Variants in PLCB1 observed in about 807,000 individuals in gnomAD.
PLCB1 encodes the protein 1-phosphatidylinositol 4,5-bisphosphate phosphodiesterase beta-1.
In PLCB1, 46 loss-of-function variants were observed where a neutral mutation model predicts 161.8. The ratio of observed to expected loss-of-function variants is 0.28; its 90% confidence interval spans 0.22 to 0.36. The LOEUF is 0.36. Among genes scored for constraint, PLCB1 ranks in the 10% least tolerant of loss-of-function variants. The probability of loss-of-function intolerance (pLI) is 1.00; values close to 1 mark genes in which losing one functional copy is unlikely to be tolerated. For missense variants in PLCB1, 1,016 were observed against 1,472.5 expected (o/e 0.69, Z 5.07); for synonymous variants, 517 against 503.7 (o/e 1.03, Z -0.35).
At chr20:8,274,097 T>C (rs796951464) in intron 2 of PLCB1, among the ~76,000 whole-genome samples, 30 of 152,308 alleles carry the variant, frequency 2.0e-4, no homozygotes, top group African/African-American at 7.2e-4. Context: ...TTTTAAATCA[T>C]GAATAACCAC....
Position 8,873,119 on chromosome 20 carries a change from A to C in PLCB1, c.3424-8503A>C, listed in dbSNP as rs73600213. ...ATTCTAAGGAAACTTAGTGGAAAACAAATAAACAAACAAAAACTGAAATGG... is the reference window on the plus strand; with the variant it reads ...ATTCTAAGGAAACTTAGTGGAAAACCAATAAACAAACAAAAACTGAAATGG... On this transcript the variant is annotated intron_variant, in intron 31 of 31. Coordinates refer to ENST00000338037, the MANE Select transcript of PLCB1 (RefSeq NM_015192.4). Among the ~76,000 whole-genome samples the C allele has an allele frequency of 1.3e-3, 202 of 152,290 alleles. 6 individuals carry two copies. In the East Asian group the frequency reaches 0.03, roughly 23 times the overall value.
At chr20:8,566,808 CTT>C (rs57718112) in intron 3 of PLCB1, among the ~76,000 whole-genome samples, 63 of 130,862 alleles carry the variant, frequency 4.8e-4, no homozygotes, top group South Asian at 1.3e-3. Context: ...TAAATCACTT[CTT>C]TTTTTTTTTT....
At position 8,267,032 on chromosome 20, in the gene PLCB1, C is replaced by T. The variant is rs1568611082; in HGVS notation, c.178-104350C>T. ...AGTCTGGGCAACGAGAGCGAGACTT[C>T]GTCTAAAAAAAAAAAAAGGGAAAAA... On this transcript the variant is annotated intron_variant, in intron 2 of 31. Coordinates refer to ENST00000338037, the MANE Select transcript of PLCB1 (RefSeq NM_015192.4). Among the ~76,000 whole-genome samples, 6 of 141,252 alleles carry T rather than the reference C, an allele frequency of 4.2e-5. No individual in the cohort carries two copies. The South Asian group carries it at 1.1e-3, about 26-fold the overall frequency. The allele number at this position is 141,252 out of a possible 152,430, so 92.7% of individuals were successfully genotyped here.
intron 2 of PLCB1, among the ~76,000 whole-genome samples, chr20:8,356,196 G>C (rs1360074894): frequency 6.6e-6 from 1 of 152,070 alleles, no homozygotes; most frequent in Admixed American, 6.5e-5. Context: ...AAGTAAACTT[G>C]AGTGTTTATA....
At chr20:8,787,973 T>G (rs748914299) in intron 27 of PLCB1, among the ~76,000 whole-genome samples, 35 of 152,264 alleles carry the variant, frequency 2.3e-4, no homozygotes, top group Non-Finnish European at 4.4e-4. Context: ...CCAAGAATTA[T>G]AACTTGCTGT....
chr20:8,787,779 A>T (rs1259871513), intron 27 of PLCB1, among the ~76,000 whole-genome samples: 1 of 152,254 alleles, frequency 6.6e-6, no homozygotes, highest in African/African-American at 2.4e-5. Context: ...TTGATAATAG[A>T]TGTATGACAA....
intron 3 of PLCB1, among the ~76,000 whole-genome samples, chr20:8,517,017 G>A (rs1232708729): frequency 6.6e-6 from 1 of 152,022 alleles, no homozygotes; most frequent in East Asian, 1.9e-4. Context: ...TTTAACCACT[G>A]GACAGCAGAG....
chr20:8,858,912 C>CA (rs11482207), intron 31 of PLCB1, among the ~76,000 whole-genome samples: 38,560 of 111,386 alleles, frequency 0.35, 6,616 homozygotes, highest in South Asian at 0.48. Context: ...TTTGAGTGTG[C>CA]AAAAAAAAAA....
intron 3 of PLCB1, among the ~76,000 whole-genome samples, chr20:8,492,905 T>C (rs1228470785): frequency 1.3e-5 from 2 of 152,012 alleles, no homozygotes; most frequent in Admixed American, 6.6e-5. Context: ...TTTTTTCTGT[T>C]GATTTTTTAA....
In PLCB1 at chr20:8,700,425, T is replaced by C. The variant is rs535054277; in HGVS notation, c.1167+2642T>C. 7.2e-5 allele frequency among the ~76,000 whole-genome samples: 11 copies of C among 152,362 alleles called. No individual in the cohort carries two copies. In the South Asian group the frequency reaches 2.1e-3, roughly 29 times the overall value. Reference sequence around the variant, plus strand: ...GGCCTCTGCCTGCCATTGAGTCAACTTGGAGTGACTCTCCTTGTGCACTCG... The same window carrying C: ...GGCCTCTGCCTGCCATTGAGTCAACCTGGAGTGACTCTCCTTGTGCACTCG... On this transcript the variant is annotated intron_variant, in intron 11 of 31. Coordinates refer to ENST00000338037, the MANE Select transcript of PLCB1 (RefSeq NM_015192.4).
chr20:8,802,326 A>T (rs549463704), intron 31 of PLCB1: 343 of 557,394 alleles, frequency 6.2e-4, no homozygotes, highest in Admixed American at 9.2e-4. Context: ...CACACCCATG[A>T]TCATTTCCTC....
intron 3 of PLCB1, among the ~76,000 whole-genome samples, chr20:8,448,175 C>A (rs1013981784): frequency 9.2e-5 from 14 of 152,184 alleles, no homozygotes; most frequent in African/African-American, 3.4e-4. Flanking sequence ...CAAAGGTGTA[C>A]CTTCCTTTTC....
chr20:8,147,505 T>C (rs1458348597), intron 1 of PLCB1, among the ~76,000 whole-genome samples: 3 of 152,216 alleles, frequency 2.0e-5, no homozygotes, highest in African/African-American at 4.8e-5. Context: ...ATTTGGGATC[T>C]GGGTTGAGTG....
chr20:8,631,613 A>G (rs1470991624), intron 4 of PLCB1, among the ~76,000 whole-genome samples: 1 of 152,166 alleles, frequency 6.6e-6, no homozygotes, highest in Non-Finnish European at 1.5e-5. Context: ...CCATTCCTAG[A>G]GCCCTCTGGG....
intron 3 of PLCB1, among the ~76,000 whole-genome samples, chr20:8,576,939 G>A (rs1986688974): frequency 6.6e-6 from 1 of 152,122 alleles, no homozygotes. Context: ...GGCAAACCGA[G>A]TGCATGGAAG....
At chr20:8,543,869 T>A (rs1985434254) in intron 3 of PLCB1, among the ~76,000 whole-genome samples, 1 of 152,136 alleles carries the variant, frequency 6.6e-6, no homozygotes, top group East Asian at 1.9e-4. Context: ...AGAGGGACCT[T>A]CCACCATGAT....
intron 2 of PLCB1, among the ~76,000 whole-genome samples, chr20:8,275,528 A>G (rs182911125): frequency 3.2e-4 from 48 of 152,282 alleles, no homozygotes; most frequent in African/African-American, 8.9e-4. Flanking sequence ...AGGAGGCATC[A>G]GTGTTAGGAG....
chr20:8,205,919 A>T (rs1178773429), intron 2 of PLCB1, among the ~76,000 whole-genome samples: 1 of 151,984 alleles, frequency 6.6e-6, no homozygotes, highest in Non-Finnish European at 1.5e-5. Flanking sequence ...AAAATTATCC[A>T]TGATAAAAAT....
chr20:8,258,239 G>C (rs1041853813), intron 2 of PLCB1, among the ~76,000 whole-genome samples: 1 of 152,074 alleles, frequency 6.6e-6, no homozygotes, highest in Admixed American at 6.6e-5. Flanking sequence ...GTTTCTAATT[G>C]TTCCCTAAAA....
Sources: allele counts gnomAD v4.1 joint callset (sites outside exome capture counted in the v4.1 genomes callset), GRCh38; gene constraint gnomAD v4.1.1; transcripts MANE v1.5; gene names NCBI Gene and HGNC (gene_info 2026-07-23, HGNC 2026-07-21).